The following JAKMIP3 variants were observed in gnomAD, a reference collection of about 807,000 sequenced individuals.
JAKMIP3 encodes janus kinase and microtubule-interacting protein 3.
In JAKMIP3, 58 loss-of-function variants were observed where a neutral mutation model predicts 118.5. The ratio of observed to expected loss-of-function variants is 0.49; its 90% confidence interval spans 0.40 to 0.61. The LOEUF is 0.61. JAKMIP3 is among the 20% of genes least tolerant of loss of function. JAKMIP3 has a pLI of 0.00. For synonymous variants in JAKMIP3, 486 were observed against 451.2 expected, an observed-to-expected ratio of 1.08 and a Z score of -0.98; for missense variants, 950 against 1,109.0, an observed-to-expected ratio of 0.86 and a Z score of 2.04.
chr10:132,063,783 C>CA (rs971544773), upstream of JAKMIP3, among the ~76,000 whole-genome samples: 46 of 151,976 alleles, frequency 3.0e-4, no homozygotes, highest in African/African-American at 9.4e-4. Context: ...TCCAATTCTA[C>CA]AAAAAAAATA....
chr10:132,109,091 C>T lies in JAKMIP3; in HGVS notation c.135+4148C>T, dbSNP rs200018545. Among the ~76,000 whole-genome samples, 41 of 133,814 alleles carry T rather than the reference C, an allele frequency of 3.1e-4. 2 individuals carry two copies. The highest frequency in any genetic ancestry group is 4.7e-5 in the Non-Finnish European group (3 of 63,934). 87.8% of individuals were successfully genotyped at this position (133,814 alleles called of 152,430 possible). On this transcript the variant is annotated intron_variant, in intron 2 of 23. Transcript: ENST00000684848. ...ACACACATACACATATATATACACA[C>T]ACATATATATATACACACACACATA...
intron 22 of JAKMIP3, among the ~76,000 whole-genome samples, chr10:132,167,273 C>A (rs984555681): frequency 6.6e-5 from 10 of 152,190 alleles, no homozygotes; most frequent in Admixed American, 2.6e-4. Context: ...ACTGTAGAGG[C>A]CGCAAGGTGC....
intron 1 of JAKMIP3, among the ~76,000 whole-genome samples, chr10:132,095,648 T>C (rs931957764): frequency 1.3e-5 from 2 of 152,188 alleles, no homozygotes; most frequent in African/African-American, 4.8e-5. Context: ...CCTGCAGTCG[T>C]TCTGGATGCA....
intron 1 of JAKMIP3, among the ~76,000 whole-genome samples, chr10:132,051,725 C>T (rs1247326789): frequency 1.3e-5 from 2 of 152,168 alleles, no homozygotes; most frequent in African/African-American, 2.4e-5. Flanking sequence ...CCACCTCAGC[C>T]TCCTGAGTAG....
At chr10:132,039,954 G>T (rs768343758) in intron 1 of JAKMIP3, among the ~76,000 whole-genome samples, 8 of 152,182 alleles carry the variant, frequency 5.3e-5, no homozygotes, top group Non-Finnish European at 1.2e-4. Flanking sequence ...TCTTTGTTTT[G>T]TTTATAAAAA....
chr10:132,169,307 C>T (rs1224608864), intron 23 of JAKMIP3, among the ~76,000 whole-genome samples: 1 of 152,130 alleles, frequency 6.6e-6, no homozygotes, highest in Admixed American at 6.5e-5. Flanking sequence ...CTCCCACTTG[C>T]AGGAGGAGGC....
In JAKMIP3 at chr10:132,180,620, TGTGTGC is replaced by T. The variant is rs1565019333; in HGVS notation, c.*1104-1731_*1104-1726del. ...GTGCGTGCGCGTGTGTGTGTGCGTG[TGTGTGC>T]GTGTGTGCGTGCGTGTGTGCGTGTG... On this transcript the variant is annotated intron_variant, in intron 23 of 23. Transcript: ENST00000684848. Among the ~76,000 whole-genome samples the T allele has an allele frequency of 4.1e-4, 17 of 41,210 alleles. 3 individuals are homozygous for T. The highest frequency in any genetic ancestry group is 5.7e-3 in the East Asian group (2 of 348). The allele number at this position is 41,210 out of a possible 152,430, so 27.0% of individuals were successfully genotyped here.
intron 23 of JAKMIP3, among the ~76,000 whole-genome samples, chr10:132,180,624 T>C (rs112283518): frequency 0.14 from 2,522 of 18,028 alleles, 522 homozygotes; most frequent in East Asian, 0.26. Flanking sequence ...TGCGTGTGTG[T>C]GCGTGTGTGC....
In JAKMIP3 at chr10:132,179,918, T is replaced by C. The variant is rs771649331; in HGVS notation, c.*1104-2439T>C. On this transcript the variant is annotated intron_variant, in intron 23 of 23. Coordinates refer to ENST00000684848, the MANE Select transcript of JAKMIP3 (RefSeq NM_001323087.2). This position sits in a 1 kb window ranked among gnomAD's most constrained non-coding sequence, Gnocchi z 4.3. ...CTCCCCTCCCATGCTCTTCCCCCTG[T>C]GAGGTGCACACGGGGCACACACTCC... Among the ~76,000 whole-genome samples, 2 of 152,130 alleles carry C rather than the reference T, an allele frequency of 1.3e-5. No individual in the cohort carries two copies. The highest frequency in any genetic ancestry group is 2.9e-5 in the Non-Finnish European group (2 of 68,012).
chr10:132,176,278 G>C (rs1022008486), intron 23 of JAKMIP3, among the ~76,000 whole-genome samples: 8 of 152,210 alleles, frequency 5.3e-5, no homozygotes, highest in South Asian at 2.1e-4. Flanking sequence ...GCAGCCATGG[G>C]GTCACGTTGC....
In JAKMIP3 at chr10:132,149,565, A is replaced by ACC. The variant is rs2055445550; in HGVS notation, c.1947+59_1947+60dup. The stretch of plus-strand genomic sequence containing the variant: ...CCCCACCTCACCCATCCCCCGCCCC[A>ACC]CCCCCTCTCCGCCCCCGCCCCACCC... On this transcript the variant is annotated intron_variant, in intron 15 of 23. Transcript: ENST00000684848. The ACC allele has an allele frequency of 1.5e-4, 62 of 415,350 alleles. 2 individuals carry two copies. The highest frequency in any genetic ancestry group is 2.2e-4 in the Admixed American group (4 of 18,192). 25.7% of individuals were successfully genotyped at this position (415,350 alleles called of 1,614,324 possible). A position where few individuals can be genotyped will look rare whatever the true frequency, so the allele number is the denominator to read the frequency against.
Position 132,048,683 on chromosome 10 carries a change from G to A in JAKMIP3, c.-138+11945G>A, listed in dbSNP as rs76631797. Among the ~76,000 whole-genome samples the A allele has an allele frequency of 1.0e-4, 3 of 30,090 alleles. No homozygotes were observed. The South Asian group carries it at 4.2e-3, about 42-fold the overall frequency. 19.7% of individuals were successfully genotyped at this position (30,090 alleles called of 152,430 possible). On this transcript the variant is annotated intron_variant, in intron 1 of 23. Transcript: ENST00000657785. Reference sequence around the variant, plus strand: ...GTTTCTTTTCTTTTTTTTTTTTTTTGAGATGGAGTCTTGCTCTGTCACCCA... The same window carrying A: ...GTTTCTTTTCTTTTTTTTTTTTTTTAAGATGGAGTCTTGCTCTGTCACCCA...
At chr10:132,059,046 T>C (rs895166058) in intron 1 of JAKMIP3, among the ~76,000 whole-genome samples, 5 of 152,244 alleles carry the variant, frequency 3.3e-5, no homozygotes, top group Non-Finnish European at 7.3e-5. Context: ...GCCCGGCTTG[T>C]GTCTGTCTGA....
chr10:132,156,596 G>A (rs189663192), intron 19 of JAKMIP3, among the ~76,000 whole-genome samples: 4 of 152,170 alleles, frequency 2.6e-5, no homozygotes, highest in East Asian at 1.9e-4. Context: ...TTGGTACCTC[G>A]TCTCCTCTAG....
upstream of JAKMIP3, among the ~76,000 whole-genome samples, chr10:132,062,585 G>A (rs1017239147): frequency 3.9e-5 from 6 of 152,258 alleles, no homozygotes; most frequent in Admixed American, 6.5e-5. Context: ...ATGACGTTGA[G>A]TGAAAAAAGA....
At chr10:132,083,594 G>T (rs1219342521) in intron 1 of JAKMIP3, among the ~76,000 whole-genome samples, 2 of 152,162 alleles carry the variant, frequency 1.3e-5, no homozygotes, top group African/African-American at 4.8e-5. Flanking sequence ...TCTTGGTCAT[G>T]AAATTCTTGC....
chr10:132,133,284 G>A, intron 3 of JAKMIP3, 28 bp from the exon 4 acceptor site: 2 of 1,532,748 alleles, frequency 1.3e-6, no homozygotes, highest in Non-Finnish European at 1.8e-6. Flanking sequence ...CCTGCCGCCT[G>A]TGTGATTGTG....
intron 1 of JAKMIP3, among the ~76,000 whole-genome samples, chr10:132,082,727 C>T (rs769189303): frequency 6.6e-6 from 1 of 152,140 alleles, no homozygotes; most frequent in East Asian, 1.9e-4. Context: ...TCTCCTGCCT[C>T]AGCCTCCCGA....
chr10:132,167,105 G>A, intron 22 of JAKMIP3, 50 bp downstream of exon 22: 1 of 1,298,976 alleles, frequency 7.7e-7, no homozygotes, highest in African/African-American at 1.5e-5. Flanking sequence ...CTGCTTCCCG[G>A]AAGACTCCTC....
Sources: allele counts gnomAD v4.1 joint callset (sites outside exome capture counted in the v4.1 genomes callset), GRCh38; gene constraint gnomAD v4.1.1; non-coding constraint Gnocchi (gnomAD v3.1); transcripts MANE v1.5; gene names NCBI Gene and HGNC (gene_info 2026-07-23, HGNC 2026-07-21).